The following MAST4 variants were observed in gnomAD, a reference collection of about 807,000 sequenced individuals.
MAST4 encodes microtubule-associated serine/threonine-protein kinase 4.
Under a neutral mutation model 162.7 loss-of-function variants are expected in MAST4, and 89 were observed. The ratio of observed to expected loss-of-function variants is 0.55; its 90% confidence interval spans 0.46 to 0.65. The LOEUF (loss-of-function observed/expected upper bound fraction) is 0.65. Ranked by LOEUF, MAST4 falls within the 30% of genes least tolerant of loss-of-function variation. The pLI is 0.00. For missense variants in MAST4, 3,153 were observed against 3,374.0 expected (o/e 0.93, Z 1.62); for synonymous variants, 1,479 against 1,361.1 (o/e 1.09, Z -1.91).
intron 4 of MAST4, among the ~76,000 whole-genome samples, chr5:66,911,235 G>C (rs952928494): frequency 1.3e-5 from 2 of 152,244 alleles, no homozygotes; most frequent in Middle Eastern, 3.4e-3. Context: ...GACCAGCACC[G>C]TAAGGAAATT....
At chr5:67,045,528 A>G (rs1427217156) in intron 4 of MAST4, among the ~76,000 whole-genome samples, 1 of 152,254 alleles carries the variant, frequency 6.6e-6, no homozygotes, top group Non-Finnish European at 1.5e-5. Context: ...AGTCAACAAC[A>G]GACCACATAT....
intron 4 of MAST4, among the ~76,000 whole-genome samples, chr5:67,012,553 G>A (rs1002758191): frequency 2.2e-4 from 34 of 152,082 alleles, no homozygotes; most frequent in African/African-American, 8.0e-4. Flanking sequence ...TATTAAAATG[G>A]TCCTGGGGCT....
intron 4 of MAST4, among the ~76,000 whole-genome samples, chr5:66,953,585 G>A (rs2150137010): frequency 6.6e-6 from 1 of 152,090 alleles, no homozygotes; most frequent in African/African-American, 2.4e-5. Flanking sequence ...CCTGAAAACG[G>A]GACAGAAGTA....
chr5:66,682,201 G>A (rs1446250808), intron 1 of MAST4, among the ~76,000 whole-genome samples: 1 of 152,174 alleles, frequency 6.6e-6, no homozygotes, highest in Non-Finnish European at 1.5e-5. Context: ...GTAGTCGTGA[G>A]TGGCCCCACA....
chr5:66,790,397 C>A (rs1295015702), intron 3 of MAST4, among the ~76,000 whole-genome samples: 1 of 152,092 alleles, frequency 6.6e-6, no homozygotes, highest in Non-Finnish European at 1.5e-5. Context: ...TCTGGAATTT[C>A]CTGATTCTTC....
intron 1 of MAST4, among the ~76,000 whole-genome samples, chr5:66,741,945 C>T (rs758287498): frequency 2.0e-5 from 3 of 152,102 alleles, no homozygotes; most frequent in East Asian, 3.9e-4. Context: ...GAGAGGAAAT[C>T]GAGTTGATCT....
intron 1 of MAST4, among the ~76,000 whole-genome samples, chr5:66,726,086 G>T (rs1164408485): frequency 1.3e-5 from 2 of 151,844 alleles, no homozygotes; most frequent in African/African-American, 4.8e-5. Context: ...GTAATAAGGG[G>T]AAAAAAGAGA....
intron 3 of MAST4, among the ~76,000 whole-genome samples, chr5:66,820,779 G>C (rs1442522474): frequency 6.6e-6 from 1 of 151,966 alleles, no homozygotes; most frequent in Non-Finnish European, 1.5e-5. Context: ...AATTATGTAT[G>C]TGATTTATAT....
intron 1 of MAST4, among the ~76,000 whole-genome samples, chr5:66,710,082 T>G (rs7701984): frequency 0.45 from 68,711 of 152,058 alleles, 16,334 homozygotes; most frequent in African/African-American, 0.61. Flanking sequence ...CTTGCCATCT[T>G]TGGAGTTGGT....
chr5:66,963,057 G>T (rs1208487420), intron 4 of MAST4, among the ~76,000 whole-genome samples: 1 of 152,132 alleles, frequency 6.6e-6, no homozygotes, highest in Non-Finnish European at 1.5e-5. Context: ...TTGGATGGGT[G>T]GGTGGGGAGT....
At chr5:66,658,867 A>G (rs1371698207) in intron 1 of MAST4, among the ~76,000 whole-genome samples, 4 of 152,096 alleles carry the variant, frequency 2.6e-5, no homozygotes, top group African/African-American at 4.8e-5. Flanking sequence ...ACAAAAAATT[A>G]AAGAATTAGC....
intron 5 of MAST4, among the ~76,000 whole-genome samples, chr5:67,058,029 C>A (rs1759074872): frequency 6.6e-6 from 1 of 151,760 alleles, no homozygotes; most frequent in South Asian, 2.1e-4. Flanking sequence ...TGCTTGAGCC[C>A]AGGAGTTTGA....
At chr5:66,756,851 G>A (rs1230843530) in intron 1 of MAST4, among the ~76,000 whole-genome samples, 3 of 152,128 alleles carry the variant, frequency 2.0e-5, no homozygotes, top group East Asian at 1.9e-4. Context: ...TATGCTTATA[G>A]GTTTTCTGCT....
chr5:66,741,170 T>A (rs1346875081), intron 1 of MAST4, among the ~76,000 whole-genome samples: 2 of 152,162 alleles, frequency 1.3e-5, no homozygotes, highest in Non-Finnish European at 2.9e-5. Flanking sequence ...CTCACCCCCT[T>A]CCTTCCTTTG....
At chr5:67,096,957 G>A (rs1029386588) in intron 7 of MAST4, among the ~76,000 whole-genome samples, 44 of 152,110 alleles carry the variant, frequency 2.9e-4, no homozygotes, top group Non-Finnish European at 1.5e-5. Flanking sequence ...GTAAATAATA[G>A]TGAAGTCATC....
chr5:67,000,751 A>G (rs1196747009), intron 4 of MAST4, among the ~76,000 whole-genome samples: 1 of 139,884 alleles, frequency 7.1e-6, no homozygotes, highest in African/African-American at 2.6e-5. Flanking sequence ...TCTGTCTAAA[A>G]AAAAAGGGGG....
At chr5:66,697,198 A>G (rs1749462894) in intron 1 of MAST4, among the ~76,000 whole-genome samples, 1 of 152,148 alleles carries the variant, frequency 6.6e-6, no homozygotes, top group African/African-American at 2.4e-5. Flanking sequence ...GTTTTGGAAA[A>G]CTTATATCTG....
At chr5:66,639,852 C>T (rs1745366841) in intron 1 of MAST4, among the ~76,000 whole-genome samples, 1 of 152,058 alleles carries the variant, frequency 6.6e-6, no homozygotes, top group South Asian at 2.1e-4. Flanking sequence ...ATATTTAAAG[C>T]ACATGACGTG....
intron 1 of MAST4, among the ~76,000 whole-genome samples, chr5:66,674,852 C>T (rs937102166): frequency 6.6e-6 from 1 of 152,116 alleles, no homozygotes; most frequent in Admixed American, 6.5e-5. Context: ...CAACAGAAAC[C>T]AAATCTGAAT....
Sources: gnomAD v4.1 joint callset for allele counts (sites outside exome capture counted in the v4.1 genomes callset) on GRCh38, gnomAD v4.1.1 for gene constraint, MANE v1.5 for transcripts, NCBI Gene and HGNC (gene_info 2026-07-23, HGNC 2026-07-21) for gene names.